Variants in FAT3 observed in about 807,000 individuals in gnomAD.
FAT3 encodes FAT atypical cadherin 3.
FAT3 carries 95 observed loss-of-function variants against 310.2 expected under a neutral mutation model. That is an observed-to-expected ratio of 0.31 (90% CI 0.26 to 0.36). FAT3 has a LOEUF of 0.36. Among genes scored for constraint, FAT3 ranks in the 10% least tolerant of loss-of-function variants. The probability of loss-of-function intolerance (pLI) is 1.00; values close to 1 mark genes in which losing one functional copy is unlikely to be tolerated. For missense variants in FAT3, 5,408 were observed against 5,715.6 expected, an observed-to-expected ratio of 0.95 and a Z score of 1.74; for synonymous variants, 2,314 against 2,192.9, an observed-to-expected ratio of 1.06 and a Z score of -1.54.
At chr11:92,459,175 G>T (rs1369010537) in intron 2 of FAT3, among the ~76,000 whole-genome samples, 1 of 152,190 alleles carries the variant, frequency 6.6e-6, no homozygotes, top group East Asian at 1.9e-4. Flanking sequence ...TGCCTGAATG[G>T]TGCAGCCCTG....
At chr11:92,486,130 GTTTTTTTTTT>G (rs71064714) in intron 2 of FAT3, among the ~76,000 whole-genome samples, 25 of 37,142 alleles carry the variant, frequency 6.7e-4, no homozygotes, top group South Asian at 4.8e-3. Flanking sequence ...GGCTGCTGGG[GTTTTTTTTTT>G]TTTTTTTTTT....
chr11:92,388,604 T>G (rs1324988909), intron 2 of FAT3, among the ~76,000 whole-genome samples: 1 of 152,226 alleles, frequency 6.6e-6, no homozygotes, highest in African/African-American at 2.4e-5. Context: ...ATGTTAGGAT[T>G]TCCTTGTGGA....
chr11:92,620,253 A>G (rs927537725), intron 3 of FAT3, among the ~76,000 whole-genome samples: 2 of 152,138 alleles, frequency 1.3e-5, no homozygotes, highest in Admixed American at 6.5e-5. Flanking sequence ...TTTATTAAGG[A>G]TTGTTCTATG....
chr11:92,344,386 G>A (rs1037020474), intron 1 of FAT3, among the ~76,000 whole-genome samples: 1 of 152,022 alleles, frequency 6.6e-6, no homozygotes, highest in African/African-American at 2.4e-5. Flanking sequence ...CATGTTTTCC[G>A]CCCCTTAGTC....
chr11:92,280,890 T>C (rs566764831), intron 1 of FAT3, among the ~76,000 whole-genome samples: 1 of 152,316 alleles, frequency 6.6e-6, no homozygotes, highest in South Asian at 2.1e-4. Flanking sequence ...CCTAGTATGT[T>C]ATTTTTATTT....
At chr11:92,761,554 G>T (rs1470290559) in intron 4 of FAT3, among the ~76,000 whole-genome samples, 1 of 152,150 alleles carries the variant, frequency 6.6e-6, no homozygotes, top group African/African-American at 2.4e-5. Flanking sequence ...GGCAGAGAGA[G>T]ATTGGGATCT....
chr11:92,865,674 A>G (rs551027378), intron 21 of FAT3, among the ~76,000 whole-genome samples: 49 of 152,330 alleles, frequency 3.2e-4, no homozygotes, highest in African/African-American at 1.1e-3. Context: ...TCCCAAAGCC[A>G]CCTTGCATTT....
At chr11:92,299,025 C>T (rs1946923762) in intron 1 of FAT3, among the ~76,000 whole-genome samples, 1 of 152,014 alleles carries the variant, frequency 6.6e-6, no homozygotes, top group Non-Finnish European at 1.5e-5. Context: ...TGCCAGAGTT[C>T]CTGCTGGTGA....
At chr11:92,360,728 T>A (rs1565257796) in intron 2 of FAT3, among the ~76,000 whole-genome samples, 1 of 152,214 alleles carries the variant, frequency 6.6e-6, no homozygotes, top group Non-Finnish European at 1.5e-5. Context: ...CCTTTATTAC[T>A]AATTGGATTA....
intron 5 of FAT3, among the ~76,000 whole-genome samples, chr11:92,764,149 T>C (rs1288941378): frequency 1.3e-5 from 2 of 152,086 alleles, no homozygotes; most frequent in African/African-American, 2.4e-5. Flanking sequence ...GAGACTTGCT[T>C]CCTCAGCCCT....
chr11:92,637,720 C>A (rs1048390898), intron 3 of FAT3, among the ~76,000 whole-genome samples: 2 of 152,080 alleles, frequency 1.3e-5, no homozygotes, highest in Non-Finnish European at 2.9e-5. Context: ...GAAATAAGAG[C>A]AAGGTAACTA....
chr11:92,342,406 C>A (rs924903368), intron 1 of FAT3, among the ~76,000 whole-genome samples: 1 of 152,056 alleles, frequency 6.6e-6, no homozygotes, highest in East Asian at 1.9e-4. Context: ...TCGTATCTTC[C>A]GATTTTACTT....
chr11:92,773,948 T>G (rs1052978299), intron 6 of FAT3, 93 bp from the exon 7 acceptor site: 1 of 1,451,786 alleles, frequency 6.9e-7, no homozygotes, highest in Admixed American at 2.3e-5. Context: ...TCAAAAAAAA[T>G]TTCTGTATAA....
chr11:92,820,684 C>T (rs560129021), intron 13 of FAT3, among the ~76,000 whole-genome samples: 1 of 152,178 alleles, frequency 6.6e-6, no homozygotes, highest in South Asian at 2.1e-4. Context: ...GACAGCTTGA[C>T]TGCAACCTCA....
intron 2 of FAT3, among the ~76,000 whole-genome samples, chr11:92,437,717 G>A (rs189578503): frequency 2.0e-5 from 3 of 152,100 alleles, no homozygotes; most frequent in Non-Finnish European, 2.9e-5. Flanking sequence ...GGGAACACTG[G>A]GGGTAATCCA....
At chr11:92,821,676 G>A (rs1352126641) in intron 13 of FAT3, among the ~76,000 whole-genome samples, 1 of 152,196 alleles carries the variant, frequency 6.6e-6, no homozygotes, top group Admixed American at 6.5e-5. Flanking sequence ...ACACGCATGT[G>A]ATGTTACCAG....
At chr11:92,315,510 T>TAG (rs1197551111) in intron 1 of FAT3, among the ~76,000 whole-genome samples, 851 of 78,074 alleles carry the variant, frequency 0.011, 3 homozygotes, top group Middle Eastern at 0.016. Flanking sequence ...TATATATATA[T>TAG]ATAGAGAGAG....
chr11:92,322,132 G>GAGAT (rs1410647439), intron 1 of FAT3, among the ~76,000 whole-genome samples: 3 of 152,128 alleles, frequency 2.0e-5, no homozygotes, highest in African/African-American at 7.2e-5. Context: ...CCCTACCTTG[G>GAGAT]AGATAGTGTG....
At chr11:92,832,882 C>T (rs533017684) in intron 14 of FAT3, among the ~76,000 whole-genome samples, 4 of 152,238 alleles carry the variant, frequency 2.6e-5, no homozygotes, top group Admixed American at 6.5e-5. Context: ...CAAGTAGACT[C>T]CATCGGTGAG....
Sources: gnomAD v4.1 joint callset for allele counts (sites outside exome capture counted in the v4.1 genomes callset) on GRCh38, gnomAD v4.1.1 for gene constraint, MANE v1.5 for transcripts, NCBI Gene and HGNC (gene_info 2026-07-23, HGNC 2026-07-21) for gene names.